The following PHF21A variants were observed in gnomAD, a reference collection of about 807,000 sequenced individuals.
PHF21A encodes PHD finger protein 21A.
Under a neutral mutation model 82.5 loss-of-function variants are expected in PHF21A, and 11 were observed. The ratio of observed to expected loss-of-function variants is 0.13; its 90% CI spans 0.08 to 0.22. The LOEUF (loss-of-function observed/expected upper bound fraction) is 0.22, where lower values mean the gene tolerates loss of function less well. Among genes scored for constraint, PHF21A ranks in the 10% least tolerant of loss-of-function variants. PHF21A has a pLI of 1.00. For synonymous variants in PHF21A, 297 were observed against 302.8 expected (o/e 0.98, Z 0.20); for missense variants, 579 against 837.8 (o/e 0.69, Z 3.81).
Position 46,079,672 on chromosome 11 carries a change from G to C in PHF21A, c.55-506C>G, listed in dbSNP as rs986179139. 5.3e-5 allele frequency among the ~76,000 whole-genome samples: 8 copies of C among 152,292 alleles called. No homozygotes were observed. In the South Asian group the frequency reaches 1.0e-3, roughly 20 times the overall value. On this transcript the variant is annotated intron_variant, in intron 4 of 18. Transcript: ENST00000676320. ...CTCTCAAGAAGGAGTTCGGTGCAGG[G>C]GAGGATAAGTTCAGTGGGGCAGTGA...
chr11:46,112,737 G>T (rs139643495), intron 1 of PHF21A, among the ~76,000 whole-genome samples: 1 of 151,752 alleles, frequency 6.6e-6, no homozygotes, highest in African/African-American at 2.4e-5. Flanking sequence ...CCAACCTTAC[G>T]GAACAACTAT....
chr11:45,981,949 T>C (rs1372417801), intron 6 of PHF21A, among the ~76,000 whole-genome samples: 18 of 138,066 alleles, frequency 1.3e-4, no homozygotes, highest in Non-Finnish European at 2.5e-4. Context: ...TCTTTTTTTT[T>C]TTTTTTTTTT....
intron 6 of PHF21A, among the ~76,000 whole-genome samples, chr11:46,028,104 T>G (rs1456059806): frequency 1.3e-5 from 2 of 152,024 alleles, no homozygotes; most frequent in Admixed American, 6.5e-5. Context: ...TTTTTTTTTT[T>G]GAAGGATGGG....
intron 1 of PHF21A, among the ~76,000 whole-genome samples, chr11:46,113,822 C>A (rs1361642208): frequency 6.6e-5 from 8 of 122,110 alleles, no homozygotes; most frequent in Non-Finnish European, 1.3e-4. Context: ...GAGATTCATT[C>A]TCAAAAAAAA....
chr11:46,026,615 T>C (rs2095751844), intron 6 of PHF21A, among the ~76,000 whole-genome samples: 1 of 152,068 alleles, frequency 6.6e-6, no homozygotes, highest in Non-Finnish European at 1.5e-5. Context: ...CTGTCTTTTA[T>C]AATCTGAATT....
chr11:46,096,151 C>T (rs955901982), intron 1 of PHF21A, among the ~76,000 whole-genome samples: 2 of 152,126 alleles, frequency 1.3e-5, no homozygotes, highest in African/African-American at 4.8e-5. Flanking sequence ...ATCTTAATAA[C>T]CATCCCTCTT....
At chr11:46,113,189 T>C (rs2097241662) in intron 1 of PHF21A, among the ~76,000 whole-genome samples, 1 of 152,208 alleles carries the variant, frequency 6.6e-6, no homozygotes, top group South Asian at 2.1e-4. Context: ...AAAACTGCAA[T>C]GCATACTGGG....
chr11:46,089,284 T>C (rs567069646), intron 3 of PHF21A, among the ~76,000 whole-genome samples: 73 of 152,326 alleles, frequency 4.8e-4, no homozygotes, highest in African/African-American at 1.7e-3. Context: ...CTTCCTACTA[T>C]GTATCTAATA....
intron 6 of PHF21A, among the ~76,000 whole-genome samples, chr11:45,981,698 G>A (rs1292270197): frequency 6.6e-6 from 1 of 152,040 alleles, no homozygotes; most frequent in Non-Finnish European, 1.5e-5. Context: ...AGTGAATGAA[G>A]AGCTTTAAAT....
intron 11 of PHF21A, among the ~76,000 whole-genome samples, chr11:45,952,508 C>T (rs2092256452): frequency 6.6e-6 from 1 of 152,224 alleles, no homozygotes; most frequent in Admixed American, 6.5e-5. Flanking sequence ...TTTTCCTTCT[C>T]AGAGCATAAT....
At chr11:46,043,761 C>T (rs145583555) in intron 6 of PHF21A, among the ~76,000 whole-genome samples, 1 of 152,246 alleles carries the variant, frequency 6.6e-6, no homozygotes, top group African/African-American at 2.4e-5. Flanking sequence ...GCATCTCCCA[C>T]TCAGAGATGA....
chr11:45,958,414 AAAAAAATATATATATAT>A (rs1229443375), intron 10 of PHF21A, among the ~76,000 whole-genome samples: 1 of 24,780 alleles, frequency 4.0e-5, no homozygotes, highest in African/African-American at 1.1e-4. Flanking sequence ...AAAAAAAAAA[AAAAAAATATATATATAT>A]ATATATATAT....
At chr11:46,053,499 C>T (rs2096401818) in intron 6 of PHF21A, among the ~76,000 whole-genome samples, 1 of 151,888 alleles carries the variant, frequency 6.6e-6, no homozygotes, top group African/African-American at 2.4e-5. Flanking sequence ...AAGATGTTAT[C>T]AACATCTTTG....
At chr11:46,003,610 G>T (rs2095215048) in intron 6 of PHF21A, among the ~76,000 whole-genome samples, 1 of 152,110 alleles carries the variant, frequency 6.6e-6, no homozygotes, top group Non-Finnish European at 1.5e-5. Context: ...TTCTCACTAG[G>T]ATGATGACTA....
chr11:46,072,676 T>C (rs2096668919), intron 6 of PHF21A, among the ~76,000 whole-genome samples: 1 of 152,192 alleles, frequency 6.6e-6, no homozygotes, highest in Admixed American at 6.5e-5. Context: ...TAGAAACAGT[T>C]GATTTTGACT....
intron 6 of PHF21A, among the ~76,000 whole-genome samples, chr11:46,020,883 G>GATGGGGTTAT (rs2095614883): frequency 6.6e-6 from 1 of 152,152 alleles, no homozygotes; most frequent in South Asian, 2.1e-4. Flanking sequence ...ATTAACTTAT[G>GATGGGGTTAT]ATGGGGTTAT....
chr11:46,006,345 C>T (rs1011961293), intron 6 of PHF21A, among the ~76,000 whole-genome samples: 1 of 152,170 alleles, frequency 6.6e-6, no homozygotes, highest in African/African-American at 2.4e-5. Flanking sequence ...GTTGTATATA[C>T]AATTAGGGCA....
At chr11:46,110,223 C>T (rs2097196714) in intron 1 of PHF21A, among the ~76,000 whole-genome samples, 1 of 152,052 alleles carries the variant, frequency 6.6e-6, no homozygotes, top group Non-Finnish European at 1.5e-5. Context: ...GAAGCAGGCC[C>T]TTATTATTAT....
chr11:46,056,542 G>A (rs1394292942), intron 6 of PHF21A, among the ~76,000 whole-genome samples: 1 of 152,086 alleles, frequency 6.6e-6, no homozygotes, highest in Non-Finnish European at 1.5e-5. Context: ...CTTTCTAAAA[G>A]GGGGAGAATG....
Sources: allele counts gnomAD v4.1 joint callset (sites outside exome capture counted in the v4.1 genomes callset), GRCh38; gene constraint gnomAD v4.1.1; transcripts MANE v1.5; gene names NCBI Gene and HGNC (gene_info 2026-07-23, HGNC 2026-07-21).